EMC3: variants seen among roughly 807,000 people sequenced by gnomAD.
EMC3 encodes the protein 30 kDa protein.
Under a neutral mutation model 36.6 loss-of-function variants are expected in EMC3, and 13 were observed. The observed-to-expected ratio is 0.35, with a 90% CI of 0.23 to 0.56. The LOEUF is 0.56. Ranked by LOEUF, EMC3 falls within the 20% of genes least tolerant of loss-of-function variation. The pLI is 0.84. For synonymous variants in EMC3, 120 were observed against 111.9 expected (o/e 1.07, Z -0.46); for missense variants, 220 against 324.5 (o/e 0.68, Z 2.47).
At chr3:9,996,536 A>C (rs2086127403) in intron 1 of EMC3, among the ~76,000 whole-genome samples, 1 of 152,188 alleles carries the variant, frequency 6.6e-6, no homozygotes, top group Admixed American at 6.5e-5. Context: ...GTGCTACCTT[A>C]TGGCAGTAAT....
upstream of EMC3, chr3:9,987,710 C>T: frequency 2.5e-6 from 1 of 399,662 alleles, no homozygotes; most frequent in Admixed American, 3.7e-5. Flanking sequence ...TAGTACCTCA[C>T]AGAATTCTGA....
intron 1 of EMC3, among the ~76,000 whole-genome samples, chr3:9,998,138 G>A (rs1169503170): frequency 1.3e-5 from 2 of 151,778 alleles, no homozygotes; most frequent in Non-Finnish European, 1.5e-5. Context: ...AGGCCGAGGC[G>A]GGCAGATCAC....
At chr3:9,964,480 T>A (rs1194125077) in intron 7 of EMC3, among the ~76,000 whole-genome samples, 3 of 152,372 alleles carry the variant, frequency 2.0e-5, no homozygotes, top group East Asian at 1.9e-4. Flanking sequence ...TAAATTGTGG[T>A]CTGACTGCAA....
At chr3:9,998,860 G>A (rs2086163100) in intron 1 of EMC3, among the ~76,000 whole-genome samples, 1 of 151,966 alleles carries the variant, frequency 6.6e-6, no homozygotes, top group Non-Finnish European at 1.5e-5. Flanking sequence ...AGGCTCAAGC[G>A]ATCCTCTCAT....
intron 7 of EMC3, among the ~76,000 whole-genome samples, chr3:9,968,003 C>A (rs1161760810): frequency 6.6e-6 from 1 of 152,210 alleles, no homozygotes; most frequent in African/African-American, 2.4e-5. Context: ...CTCACTGCAA[C>A]CTCTGCCTCC....
In EMC3 at chr3:9,977,055, T is replaced by TAA. The variant is rs76003899; in HGVS notation, c.214-7_214-6dup. 5.6e-4 allele frequency: 741 copies of TAA among 1,328,626 alleles called. No homozygotes were observed. Among genetic ancestry groups the TAA allele is most frequent in the Non-Finnish European group, 6.3e-4 (617 of 972,208 alleles). 82.3% of individuals were successfully genotyped at this position (1,328,626 alleles called of 1,614,324 possible). On this transcript the variant is annotated splice_region_variant and splice_polypyrimidine_tract_variant and intron_variant, in intron 2 of 7. Coordinates refer to ENST00000245046, the MANE Select transcript of EMC3 (RefSeq NM_001394674.1). Reference sequence around the variant, plus strand: ...ATATTTTCGTGTCAAGAAAGACTAGTAAAAAAAAAAAAAAGTGTTTTAAGT... The same window carrying TAA: ...ATATTTTCGTGTCAAGAAAGACTAGTAAAAAAAAAAAAAAAAGTGTTTTAAGT...
chr3:9,974,630 C>T, intron 3 of EMC3, 142 bp from the exon 4 acceptor site: 2 of 551,276 alleles, frequency 3.6e-6, no homozygotes, highest in Non-Finnish European at 6.5e-6. Flanking sequence ...GCGATCTCAG[C>T]TCACTGCAAG....
rs185519920 is a variant in EMC3, at chr3:9,962,956, T to C, written c.*1113A>G. The C allele has an allele frequency of 6.6e-5, 10 of 152,248 alleles. No individual in the cohort carries two copies. The East Asian group carries it at 7.7e-4, about 12-fold the overall frequency. The allele number at this position is 152,248 out of a possible 1,614,324, so 9.4% of individuals were successfully genotyped here. ...TCCAAAGGAGTAGCCATTTCCAGTA[T>C]AGCACCACTGATTTGTCAATGGATT... On this transcript the variant is annotated 3_prime_UTR_variant, in exon 8 of 8. Transcript: ENST00000245046.
At position 9,993,078 on chromosome 3, in the gene EMC3, C is replaced by T. The variant is rs2086074494; in HGVS notation, c.-241-6176G>A. 3.5e-6 allele frequency: 3 copies of T among 862,472 alleles called. No homozygotes were observed. The African/African-American group carries it at 5.1e-5, about 15-fold the overall frequency. The allele number at this position is 862,472 out of a possible 1,614,324, so 53.4% of individuals were successfully genotyped here. A position where few individuals can be genotyped will look rare whatever the true frequency, so the allele number is the denominator to read the frequency against. On this transcript the variant is annotated intron_variant, in intron 1 of 8. Transcript: ENST00000470827. Reference sequence around the variant, plus strand: ...GCTTTACAGCTCTCATGTAAAATTTCATCTTATTTCAGTCCATTGTTCAAA... The same window carrying T: ...GCTTTACAGCTCTCATGTAAAATTTTATCTTATTTCAGTCCATTGTTCAAA...
chr3:10,010,115 A>G (rs1484198212), intron 1 of EMC3: 1 of 152,530 alleles, frequency 6.6e-6, no homozygotes, highest in African/African-American at 2.4e-5. Flanking sequence ...GGGACACCCC[A>G]CTGGGCACTG....
chr3:9,981,897 A>C (rs2085915692), intron 1 of EMC3: 1 of 292,966 alleles, frequency 3.4e-6, no homozygotes, highest in Non-Finnish European at 6.7e-6. Context: ...ACCTAGTCTA[A>C]TATATTTCAT....
chr3:10,000,286 C>T (rs145482724), intron 1 of EMC3, among the ~76,000 whole-genome samples: 3 of 152,156 alleles, frequency 2.0e-5, no homozygotes, highest in East Asian at 1.9e-4. Flanking sequence ...GTGAACCACC[C>T]GCCTCGGCCT....
intron 3 of EMC3, among the ~76,000 whole-genome samples, chr3:9,974,793 C>T (rs1178886550): frequency 6.7e-6 from 1 of 150,094 alleles, no homozygotes; most frequent in African/African-American, 2.5e-5. Context: ...CTCCTGAACT[C>T]GTGATCCGCC....
chr3:9,998,366 A>AAATAATAATAATAATAATAATAAT (rs35879571), intron 1 of EMC3, among the ~76,000 whole-genome samples: 9 of 137,386 alleles, frequency 6.6e-5, no homozygotes, highest in South Asian at 4.8e-4. Context: ...ACTCTGTCTC[A>AAATAATAATAATAATAATAATAAT]AATAATAATA....
chr3:10,000,274 A>G (rs1001354366), intron 1 of EMC3, among the ~76,000 whole-genome samples: 12 of 152,084 alleles, frequency 7.9e-5, no homozygotes, highest in Non-Finnish European at 1.5e-4. Flanking sequence ...TCCTGAACTC[A>G]AGTGAACCAC....
At chr3:9,975,737 G>A (rs1277564560) in intron 3 of EMC3, among the ~76,000 whole-genome samples, 5 of 150,822 alleles carry the variant, frequency 3.3e-5, no homozygotes, top group African/African-American at 1.2e-4. Context: ...GCGTGAACCC[G>A]GGAGGCGGAG....
chr3:10,005,972 G>A (rs139182085), intron 1 of EMC3, among the ~76,000 whole-genome samples: 14 of 152,262 alleles, frequency 9.2e-5, no homozygotes, highest in African/African-American at 3.1e-4. Flanking sequence ...AGCTTTTAAC[G>A]TTCAGCCTCC....
intron 1 of EMC3, among the ~76,000 whole-genome samples, chr3:9,993,387 C>T (rs1366575196): frequency 6.6e-6 from 1 of 152,148 alleles, no homozygotes; most frequent in Non-Finnish European, 1.5e-5. Context: ...GTTTTGCTGG[C>T]TGAACGTTCA....
intron 1 of EMC3, among the ~76,000 whole-genome samples, chr3:9,997,845 T>C (rs140458011): frequency 3.3e-5 from 5 of 152,334 alleles, no homozygotes; most frequent in African/African-American, 9.6e-5. Context: ...GCCATTTGAA[T>C]AATGTTGCTA....
Sources: allele counts gnomAD v4.1 joint callset (sites outside exome capture counted in the v4.1 genomes callset), GRCh38; gene constraint gnomAD v4.1.1; transcripts MANE v1.5; gene names NCBI Gene and HGNC (gene_info 2026-07-23, HGNC 2026-07-21).